SYNPR: variants seen among roughly 807,000 people sequenced by gnomAD.
The protein encoded by SYNPR is synaptoporin.
A neutral mutation model predicts 32.9 loss-of-function variants in SYNPR; 23 were observed. The observed-to-expected ratio is 0.70, with a 90% CI of 0.50 to 0.99. The LOEUF is 0.99. Ranked by LOEUF, SYNPR falls within the 50% of genes least tolerant of loss-of-function variation. The probability of loss-of-function intolerance (pLI) is 0.00; values close to 1 mark genes in which losing one functional copy is unlikely to be tolerated. For synonymous variants in SYNPR, 146 were observed against 135.9 expected (o/e 1.07, Z -0.52); for missense variants, 318 against 349.3 (o/e 0.91, Z 0.71).
chr3:63,568,008 G>A (rs1702822099), intron 4 of SYNPR, among the ~76,000 whole-genome samples: 1 of 152,082 alleles, frequency 6.6e-6, no homozygotes, highest in African/African-American at 2.4e-5. Flanking sequence ...TTACCATTAT[G>A]GGCAGAAAAT....
chr3:63,314,005 C>CACAGTTTCTTTAT (rs2087011553), intron 2 of SYNPR, among the ~76,000 whole-genome samples: 1 of 6,604 alleles, frequency 1.5e-4, no homozygotes, highest in African/African-American at 4.6e-4. Flanking sequence ...ATATATATAT[C>CACAGTTTCTTTAT]CATATATATA....
intron 3 of SYNPR, among the ~76,000 whole-genome samples, chr3:63,268,053 G>A (rs1324368162): frequency 6.6e-6 from 1 of 152,114 alleles, no homozygotes; most frequent in Non-Finnish European, 1.5e-5. Context: ...TTCACACTGT[G>A]GAATAATTGC....
At chr3:63,291,605 T>C (rs1020352830) in intron 2 of SYNPR, among the ~76,000 whole-genome samples, 2 of 117,168 alleles carry the variant, frequency 1.7e-5, no homozygotes, top group Non-Finnish European at 3.7e-5. Context: ...TCATGGATTC[T>C]ATTTTGAAGC....
chr3:63,557,430 A>G (rs2106829154), intron 4 of SYNPR, among the ~76,000 whole-genome samples: 1 of 152,326 alleles, frequency 6.6e-6, no homozygotes, highest in South Asian at 2.1e-4. Flanking sequence ...TTTAGAAAAG[A>G]AAAGTATCCT....
At chr3:63,418,055 C>G (rs1422065794) in intron 2 of SYNPR, among the ~76,000 whole-genome samples, 1 of 152,194 alleles carries the variant, frequency 6.6e-6, no homozygotes, top group Admixed American at 6.5e-5. Context: ...TATTGTCAGG[C>G]TGCAAATTTT....
chr3:63,532,149 T>C (rs1401912178), intron 3 of SYNPR, among the ~76,000 whole-genome samples: 3 of 152,208 alleles, frequency 2.0e-5, no homozygotes, highest in Non-Finnish European at 4.4e-5. Context: ...GAAAGGAGCA[T>C]TGGCTAATTA....
the SYNPR span, among the ~76,000 whole-genome samples, chr3:63,222,851 CAAGT>C: frequency 4.6e-5 from 7 of 152,146 alleles, no homozygotes; most frequent in African/African-American, 1.7e-4. Context: ...TAAGTGCCAG[CAAGT>C]GTTTGTTGTG....
intron 4 of SYNPR, among the ~76,000 whole-genome samples, chr3:63,596,996 G>A (rs1204267109): frequency 6.6e-6 from 1 of 151,878 alleles, no homozygotes; most frequent in Non-Finnish European, 1.5e-5. Context: ...AAAGTAAAAT[G>A]GCATACTAAT....
chr3:63,416,065 G>C (rs2088534879), intron 2 of SYNPR, among the ~76,000 whole-genome samples: 1 of 152,230 alleles, frequency 6.6e-6, no homozygotes, highest in Non-Finnish European at 1.5e-5. Flanking sequence ...ATTGGTTGGA[G>C]TAAGATACAC....
chr3:63,602,253 A>C (rs1455056694), intron 4 of SYNPR, among the ~76,000 whole-genome samples: 1 of 151,968 alleles, frequency 6.6e-6, no homozygotes, highest in Non-Finnish European at 1.5e-5. Context: ...TAGACTTTTG[A>C]CAGATGCACA....
intron 3 of SYNPR, among the ~76,000 whole-genome samples, chr3:63,531,205 AG>A (rs1702107377): frequency 6.6e-6 from 1 of 152,154 alleles, no homozygotes; most frequent in Non-Finnish European, 1.5e-5. Flanking sequence ...TTAGTATCCT[AG>A]GGCTGCCATA....
chr3:63,368,744 A>G (rs1045569389), intron 2 of SYNPR, among the ~76,000 whole-genome samples: 3 of 152,170 alleles, frequency 2.0e-5, no homozygotes, highest in East Asian at 1.9e-4. Flanking sequence ...AGAATGAAAA[A>G]AATGGCCTTT....
intron 4 of SYNPR, among the ~76,000 whole-genome samples, chr3:63,601,133 T>C (rs746789983): frequency 6.6e-6 from 1 of 152,064 alleles, no homozygotes; most frequent in Non-Finnish European, 1.5e-5. Flanking sequence ...TTAGCCGGGC[T>C]TGGTGGCACA....
intron 2 of SYNPR, among the ~76,000 whole-genome samples, chr3:63,303,517 C>A (rs2086878395): frequency 6.6e-6 from 1 of 152,006 alleles, no homozygotes; most frequent in African/African-American, 2.4e-5. Flanking sequence ...AACAATAACT[C>A]ATTATATGCA....
At chr3:63,221,946 G>T in the SYNPR span, among the ~76,000 whole-genome samples, 1 of 147,518 alleles carries the variant, frequency 6.8e-6, no homozygotes, top group African/African-American at 2.5e-5. Context: ...GATGATAGTA[G>T]TTGTAGCAAT....
Position 63,615,681 on chromosome 3 carries a change from A to G in SYNPR, c.*200A>G. On this transcript the variant is annotated 3_prime_UTR_variant, in exon 6 of 6. Transcript: ENST00000478300. ...ATGAGGCGACATGAGGAGATATATT[A>G]TTCATCATAGATGGCTAATTGGAGA... 3.2e-6 allele frequency: 2 copies of G among 632,512 alleles called. No homozygotes were observed. Among genetic ancestry groups the G allele is most frequent in the South Asian group, 2.4e-5 (1 of 42,014 alleles). 39.2% of individuals were successfully genotyped at this position (632,512 alleles called of 1,614,324 possible).
chr3:63,323,580 G>A (rs2087134099), intron 2 of SYNPR, among the ~76,000 whole-genome samples: 3 of 151,978 alleles, frequency 2.0e-5, no homozygotes, highest in Admixed American at 2.0e-4. Flanking sequence ...GCTGAGACAT[G>A]ATGGAAGACT....
At chr3:63,275,392 G>C (rs779130239), upstream of SYNPR, among the ~76,000 whole-genome samples, 3 of 152,204 alleles carry the variant, frequency 2.0e-5, no homozygotes, top group Non-Finnish European at 4.4e-5. Context: ...AATAGGAAAA[G>C]CATCCTCTGA....
At chr3:63,272,610 A>T (rs1447675155) in intron 3 of SYNPR, among the ~76,000 whole-genome samples, 1 of 151,348 alleles carries the variant, frequency 6.6e-6, no homozygotes, top group Non-Finnish European at 1.5e-5. Flanking sequence ...TCAGGAAATG[A>T]TCCACAGGCC....
Sources: gnomAD v4.1 joint callset for allele counts (sites outside exome capture counted in the v4.1 genomes callset) on GRCh38, gnomAD v4.1.1 for gene constraint, MANE v1.5 for transcripts, NCBI Gene and HGNC (gene_info 2026-07-23, HGNC 2026-07-21) for gene names.